USP47: variants seen among roughly 807,000 people sequenced by gnomAD.
The protein encoded by USP47 is ubiquitin specific peptidase 47.
USP47 carries 35 observed loss-of-function variants against 165.1 expected under a neutral mutation model. That is an observed-to-expected ratio of 0.21 (90% CI 0.16 to 0.28). USP47 has a LOEUF of 0.28. USP47 is among the 10% of genes least tolerant of loss of function. The pLI, the probability that USP47 is intolerant of heterozygous loss-of-function variation, is 1.00. For synonymous variants in USP47, 531 were observed against 544.5 expected (o/e 0.98, Z 0.35); for missense variants, 1,277 against 1,607.4 (o/e 0.79, Z 3.52).
At chr11:11,896,311 A>G (rs1405253479) in intron 4 of USP47, among the ~76,000 whole-genome samples, 3 of 152,228 alleles carry the variant, frequency 2.0e-5, no homozygotes, top group Non-Finnish European at 2.9e-5. Context: ...ATTGATGTGT[A>G]TGTACACAAA....
At chr11:11,928,826 G>A (rs1310719632) in intron 11 of USP47, among the ~76,000 whole-genome samples, 1 of 151,862 alleles carries the variant, frequency 6.6e-6, no homozygotes, top group Non-Finnish European at 1.5e-5. Context: ...AAATACTTAA[G>A]TTTGCCTAAA....
intron 1 of USP47, 145 bp from the exon 2 acceptor site, chr11:11,880,032 A>G (rs774468792): frequency 1.2e-4 from 67 of 553,458 alleles, no homozygotes; most frequent in Non-Finnish European, 1.8e-4. Context: ...GTTTCAGACT[A>G]CGATAAAACA....
chr11:11,888,594 CAG>C (rs561934694), intron 3 of USP47, among the ~76,000 whole-genome samples: 64 of 152,140 alleles, frequency 4.2e-4, no homozygotes, highest in African/African-American at 1.4e-3. Flanking sequence ...CAGGACCAAA[CAG>C]ATTTACAGCT....
At chr11:11,848,986 T>C (rs1848582825) in intron 1 of USP47, among the ~76,000 whole-genome samples, 1 of 152,014 alleles carries the variant, frequency 6.6e-6, no homozygotes, top group Admixed American at 6.6e-5. Context: ...AATGAGGGTT[T>C]ACCACTATCC....
chr11:11,958,269 T>C lies in USP47; in HGVS notation c.*2094T>C. 1 of 152,350 alleles carries C rather than the reference T, an allele frequency of 6.6e-6. No individual in the cohort carries two copies. Among genetic ancestry groups the C allele is most frequent in the Non-Finnish European group, 1.5e-5 (1 of 68,032 alleles). The allele number at this position is 152,350 out of a possible 1,614,324, so 9.4% of individuals were successfully genotyped here. On this transcript the variant is annotated 3_prime_UTR_variant, in exon 28 of 28. Transcript: ENST00000527733. ...TGTGCCTTCTGCTCTGTTCTTTGTT[T>C]TATGTTTAACTGCTGTTTCTAATTG...
chr11:11,940,928 A>T (rs532177101), intron 19 of USP47, among the ~76,000 whole-genome samples: 1 of 151,934 alleles, frequency 6.6e-6, no homozygotes, highest in Admixed American at 6.6e-5. Flanking sequence ...CTTGTCCCAT[A>T]AAGCAGTGCT....
chr11:11,853,973 A>G (rs1054798036), intron 1 of USP47, among the ~76,000 whole-genome samples: 6 of 151,882 alleles, frequency 4.0e-5, no homozygotes, highest in African/African-American at 1.5e-4. Flanking sequence ...AAAATAAAAT[A>G]AAATAAAAAA....
intron 4 of USP47, 68 bp downstream of exon 4, chr11:11,892,174 C>A: frequency 6.7e-7 from 1 of 1,490,354 alleles, no homozygotes; most frequent in South Asian, 1.3e-5. Context: ...CGATTTGAAG[C>A]CTAATCCTCT....
chr11:11,920,572 A>C (rs1781954888), intron 10 of USP47, 78 bp downstream of exon 10: 2 of 1,333,752 alleles, frequency 1.5e-6, no homozygotes, highest in Non-Finnish European at 2.0e-6. Context: ...TGTTTGAGGT[A>C]ATAACACTGA....
intron 4 of USP47, among the ~76,000 whole-genome samples, chr11:11,896,899 T>C (rs1231734479): frequency 6.6e-6 from 1 of 152,042 alleles, no homozygotes; most frequent in Non-Finnish European, 1.5e-5. Context: ...TAGTACAAAG[T>C]GAAAAGCAGA....
At chr11:11,935,237 G>A (rs746155794) in intron 16 of USP47, among the ~76,000 whole-genome samples, 16 of 151,896 alleles carry the variant, frequency 1.1e-4, no homozygotes, top group Non-Finnish European at 1.6e-4. Context: ...TAAACTATAA[G>A]CACATACAAG....
chr11:11,863,012 T>C (rs553887779), intron 1 of USP47, among the ~76,000 whole-genome samples: 2 of 152,294 alleles, frequency 1.3e-5, no homozygotes, highest in African/African-American at 4.8e-5. Context: ...ACTGAGCCAT[T>C]TAGGGGAAAT....
intron 11 of USP47, 85 bp from the exon 12 acceptor site, chr11:11,929,349 C>T: frequency 2.0e-6 from 3 of 1,521,542 alleles, no homozygotes; most frequent in South Asian, 2.6e-5. Flanking sequence ...TGTTACTTCT[C>T]TGTGTGTTAA....
At chr11:11,843,637 A>G (rs977857756) in intron 1 of USP47, among the ~76,000 whole-genome samples, 2 of 152,248 alleles carry the variant, frequency 1.3e-5, no homozygotes, top group Non-Finnish European at 2.9e-5. Flanking sequence ...TTTTATAAAA[A>G]ACAAAATTCT....
intron 16 of USP47, among the ~76,000 whole-genome samples, chr11:11,936,026 T>A (rs1258887983): frequency 2.0e-5 from 3 of 151,938 alleles, no homozygotes; most frequent in Non-Finnish European, 2.9e-5. Flanking sequence ...TTTCTACACC[T>A]AAAGTTTATG....
rs563749674 is a variant in USP47 at position 11,942,459 on chromosome 11, C to T, written c.2438C>T (p.Pro813Leu). ...TTTGTTTTGCTACCTGAACAATCCC[C>T]AGTATCTTATTCCAAAAGGACAGCA... ...RLFVLLPEQS[P>L]VSYSKRTAYQ... Residue 813 changes from proline (P) to leucine (L), a missense_variant, in exon 20 of 28, where the codon CCA becomes CTA. By Grantham distance (98) the Pro-to-Leu change is moderately conservative. Coordinates refer to ENST00000527733, the MANE Select transcript of USP47 (RefSeq NM_001282659.2). 126 of 1,613,600 alleles carry T rather than the reference C, an allele frequency of 7.8e-5. No homozygotes were observed. The East Asian group carries it at 2.4e-3, about 31-fold the overall frequency.
intron 3 of USP47, among the ~76,000 whole-genome samples, chr11:11,890,262 A>G (rs573750189): frequency 2.8e-4 from 43 of 152,304 alleles, no homozygotes; most frequent in African/African-American, 1.0e-3. Context: ...GAATGACCAG[A>G]CAGCCTACAG....
chr11:11,945,936 C>G (rs188051513), intron 20 of USP47, among the ~76,000 whole-genome samples: 1 of 146,312 alleles, frequency 6.8e-6, no homozygotes, highest in Admixed American at 7.3e-5. Flanking sequence ...CCCTGTCCCC[C>G]CCCCAAAAAA....
chr11:11,871,486 A>C, intron 1 of USP47, among the ~76,000 whole-genome samples: 1 of 120,680 alleles, frequency 8.3e-6, no homozygotes, highest in Admixed American at 1.0e-4. Context: ...CTGGCAACAG[A>C]GCGAAACTCC....
Sources: allele counts gnomAD v4.1 joint callset (sites outside exome capture counted in the v4.1 genomes callset), GRCh38; gene constraint gnomAD v4.1.1; transcripts MANE v1.5; gene names NCBI Gene and HGNC (gene_info 2026-07-23, HGNC 2026-07-21).